Variants in IGSF9 observed in about 807,000 individuals in gnomAD.
IGSF9 encodes the protein immunoglobulin superfamily member 9.
In IGSF9, 87 loss-of-function variants were observed where a neutral mutation model predicts 121.7. That is an observed-to-expected ratio of 0.71 (90% CI 0.60 to 0.85). IGSF9 has a LOEUF of 0.85. Ranked by LOEUF, IGSF9 falls within the 40% of genes least tolerant of loss-of-function variation. The pLI, the probability that IGSF9 is intolerant of heterozygous loss-of-function variation, is 0.00. For missense variants in IGSF9, 1,462 were observed against 1,565.3 expected, an observed-to-expected ratio of 0.93 and a Z score of 1.11; for synonymous variants, 640 against 648.4, an observed-to-expected ratio of 0.99 and a Z score of 0.20.
intron 3 of IGSF9, among the ~76,000 whole-genome samples, chr1:159,939,833 C>T (rs1465493162): frequency 1.3e-5 from 2 of 152,022 alleles, no homozygotes; most frequent in Non-Finnish European, 2.9e-5. Flanking sequence ...TGTTGAAATC[C>T]CCACCCCGGA....
At chr1:159,934,603 G>A in intron 7 of IGSF9, 33 bp from the exon 8 acceptor site, 1 of 1,613,326 alleles carries the variant, frequency 6.2e-7, no homozygotes, top group Non-Finnish European at 8.5e-7. Context: ...AGGGGTCCAG[G>A]CCTTGCCCAG....
intron 3 of IGSF9, among the ~76,000 whole-genome samples, chr1:159,939,313 G>T (rs1004159474): frequency 6.6e-6 from 1 of 151,994 alleles, no homozygotes; most frequent in African/African-American, 2.4e-5. Flanking sequence ...CTGCAGCCTC[G>T]AACTCCTGGC....
In IGSF9 at chr1:159,934,424, C is replaced by T. The variant is rs1488819182; in HGVS notation, c.961+1G>A. 1 of 1,578,892 alleles carries T rather than the reference C, an allele frequency of 6.3e-7. No individual in the cohort carries two copies. Among genetic ancestry groups the T allele is most frequent in the Non-Finnish European group, 8.6e-7 (1 of 1,162,210 alleles). On this transcript the variant is annotated splice_donor_variant, in intron 8 of 20. Transcript: ENST00000368094. LOFTEE classifies it high-confidence loss of function. ...GAGGGAGAAGCTGGGGTCAGGCTTA[C>T]AGAGCACAGTGAGGTAGGCAGAGGC...
intron 6 of IGSF9, among the ~76,000 whole-genome samples, chr1:159,935,340 C>A (rs559092693): frequency 6.6e-6 from 1 of 152,316 alleles, no homozygotes; most frequent in South Asian, 2.1e-4. Flanking sequence ...CTACACTAAG[C>A]TCAAACCCAG....
Position 159,928,300 on chromosome 1 carries a change from T to C in IGSF9, c.3088A>G (p.Ser1030Gly). Residue 1030 changes from serine (S) to glycine (G), a missense_variant, in exon 19 of 21, where the codon AGC (serine) becomes GGC (glycine). By Grantham distance (56) the Ser-to-Gly change is moderately conservative (BLOSUM62 0). This residue lies in a region of IGSF9 where 808 missense variants were observed against 815.2 expected (regional missense o/e 0.99). Coordinates refer to ENST00000368094, the MANE Select transcript of IGSF9 (RefSeq NM_001135050.2). The part of the protein sequence containing the change: ...SLTSQSSGRG[S>G]ASFLRPPSTA... ...GAGGGGGGCCGCAGGAACGAAGCGC[T>C]GCCTCGCCCACTGCTCTGGCTGGTG... 1 of 1,611,904 alleles carries C rather than the reference T, an allele frequency of 6.2e-7. No homozygotes were observed. The highest frequency in any genetic ancestry group is 8.5e-7 in the Non-Finnish European group (1 of 1,179,274).
intron 3 of IGSF9, among the ~76,000 whole-genome samples, chr1:159,938,787 G>A (rs565391270): frequency 6.6e-6 from 1 of 152,328 alleles, no homozygotes; most frequent in Admixed American, 6.5e-5. Context: ...CAAAATTGGG[G>A]TGGGGTGGAG....
chr1:159,928,104 G>A, intron 19 of IGSF9, 54 bp downstream of exon 19: 3 of 1,576,486 alleles, frequency 1.9e-6, no homozygotes. Context: ...AGAGGGGTGA[G>A]AGGTCTGGGG....
Position 159,931,209 on chromosome 1 carries a change from A to C in IGSF9, c.1566T>G (p.Gly522=), listed in dbSNP as rs1557932395. 6.2e-7 allele frequency: 1 copy of C among 1,613,976 alleles called. No homozygotes were observed. The highest frequency in any genetic ancestry group is 8.5e-7 in the Non-Finnish European group (1 of 1,179,984). ...TNVSVVALPK[G]ANVSWEPGFD... ...AGCCAGGCTCCCAGGAGACATTGGC[A>C]CCCTTGGGCAAAGCCACCACGGACA... is the stretch of plus-strand genomic sequence containing the variant. Residue 522 remains glycine, a synonymous_variant, in exon 13 of 21, where the codon GGT becomes GGG. Coordinates refer to ENST00000368094, the MANE Select transcript of IGSF9 (RefSeq NM_001135050.2). The surrounding 1 kb of genome is among the most constrained non-coding windows in gnomAD (Gnocchi z 4.8).
chr1:159,929,654 G>GCGGCGGCGGCGGGCAGCC lies in IGSF9; in HGVS notation c.2292_2309dup (p.Ala765_Arg770dup). ...GGGACTTACCTTGGCGGAGGCGCTTGCGGCGGCGGCGGGCAGCCCTGCGCC... is the reference window on the plus strand; with the variant it reads ...GGGACTTACCTTGGCGGAGGCGCTTGCGGCGGCGGCGGGCAGCCCGGCGGCGGCGGGCAGCCCTGCGCC... On this transcript the variant is annotated inframe_insertion, in exon 17 of 21. Transcript: ENST00000368094. The GCGGCGGCGGCGGGCAGCC allele has an allele frequency of 6.3e-7, 1 of 1,589,904 alleles. No homozygotes were observed. The highest frequency in any genetic ancestry group is 1.1e-5 in the South Asian group (1 of 87,666).
chr1:159,936,506 C>T lies in IGSF9; in HGVS notation c.566G>A (p.Gly189Glu), dbSNP rs1399746892. Residue 189 changes from glycine (G) to glutamate (E), a missense_variant, in exon 6 of 21, where the codon GGG becomes GAG. Physicochemically the swap from Gly to Glu is moderately conservative, Grantham distance 98. Around this residue, in one of 3 missense-constraint regions of IGSF9, gnomAD observed 558 missense variants for 599.4 expected, o/e 0.93. Coordinates refer to ENST00000368094, the MANE Select transcript of IGSF9 (RefSeq NM_001135050.2). The stretch of plus-strand genomic sequence containing the variant: ...CTCTACCCGGCGGATCCGCAGCGTC[C>T]CGTTCTGCACCTAGGGAAGGAGTGG... ...QGQGQVQVQN[G>E]TLRIRRVERG... 6.2e-7 allele frequency: 1 copy of T among 1,613,908 alleles called. No individual in the cohort carries two copies. The highest frequency in any genetic ancestry group is 8.5e-7 in the Non-Finnish European group (1 of 1,179,914).
intron 19 of IGSF9, 45 bp downstream of exon 19, chr1:159,928,113 G>T (rs1302866971): frequency 6.3e-7 from 1 of 1,587,370 alleles, no homozygotes; most frequent in Non-Finnish European, 8.5e-7. Flanking sequence ...AGAGGTCTGG[G>T]GTGGGACTGA....
chr1:159,943,108 C>A lies in IGSF9; in HGVS notation c.102G>T (p.Gly34=), dbSNP rs149337086. 1.0e-3 allele frequency: 1,624 copies of A among 1,601,558 alleles called. 13 individuals carry two copies. The African/African-American group carries it at 0.02, about 20-fold the overall frequency. ...PEVVSVVGRA[G]ESVVLGCDLL... ...GGTCACAGCCCAGCACCACACTCTC[C>A]CCAGCCCGGCCCACCACCGATACCA... is the stretch of plus-strand genomic sequence containing the variant. The change falls in exon 3 of 21, where the codon GGG becomes GGT. Residue 34 remains glycine, a synonymous_variant. Coordinates refer to ENST00000368094, the MANE Select transcript of IGSF9 (RefSeq NM_001135050.2).
At chr1:159,944,137 A>T (rs1349809623) in intron 1 of IGSF9, among the ~76,000 whole-genome samples, 3 of 152,116 alleles carry the variant, frequency 2.0e-5, no homozygotes, top group Non-Finnish European at 4.4e-5. Flanking sequence ...ATATCTGCTC[A>T]GGGGCAGAGA....
rs1490535306 is a variant in IGSF9 at position 159,936,807 on chromosome 1, C to T, written c.502G>A (p.Val168Met). ...TCCTTTCCTCGGAGCTTCCACGTCA[C>T]ATGAGGCAGGGGGCTGCCACGGGCC... ...CVARGSPLPHVTWKLRGKDLG... is the reference protein window; with the variant it reads ...CVARGSPLPHMTWKLRGKDLG... Residue 168 changes from valine (V) to methionine (M), a missense_variant, in exon 5 of 21, where the codon GTG becomes ATG. This residue lies in a region of IGSF9 where 558 missense variants were observed against 599.4 expected (regional missense o/e 0.93). Coordinates refer to ENST00000368094, the MANE Select transcript of IGSF9 (RefSeq NM_001135050.2). The T allele has an allele frequency of 6.2e-7, 1 of 1,614,228 alleles. No individual in the cohort carries two copies. Among genetic ancestry groups the T allele is most frequent in the East Asian group, 2.2e-5 (1 of 44,878 alleles).
rs1295608078 is a variant in IGSF9 at position 159,929,412 on chromosome 1, A to T, written c.2327-19T>A. ...GGTGGATCTGGAAGGGCATGAGAATAGTAGGTGACACAGGCAAAAATCAAG... is the reference window on the plus strand; with the variant it reads ...GGTGGATCTGGAAGGGCATGAGAATTGTAGGTGACACAGGCAAAAATCAAG... On this transcript the variant is annotated intron_variant, in intron 17 of 20. Transcript: ENST00000368094. 1 of 1,613,878 alleles carries T rather than the reference A, an allele frequency of 6.2e-7. No individual in the cohort carries two copies. Among genetic ancestry groups the T allele is most frequent in the Non-Finnish European group, 8.5e-7 (1 of 1,179,798 alleles).
Position 159,932,007 on chromosome 1 carries a change from C to G in IGSF9, c.1246-79G>C. The G allele has an allele frequency of 4.7e-6, 4 of 855,458 alleles. No individual in the cohort carries two copies. The highest frequency in any genetic ancestry group is 7.5e-6 in the Non-Finnish European group (4 of 535,876). 53.0% of individuals were successfully genotyped at this position (855,458 alleles called of 1,614,324 possible). On this transcript the variant is annotated intron_variant, in intron 10 of 20. Transcript: ENST00000368094. This position sits in a 1 kb window ranked among gnomAD's most constrained non-coding sequence, Gnocchi z 4.1. The stretch of plus-strand genomic sequence containing the variant: ...TACTCCCTCTCTCTGTGCTCCCTGT[C>G]ATGCCATGTCTCACCTCACTCTCCC...
rs748659217 is a variant in IGSF9 at position 159,930,282 on chromosome 1, G to A, written c.1971C>T (p.Val657=). 3 of 1,613,848 alleles carry A rather than the reference G, an allele frequency of 1.9e-6. No individual in the cohort carries two copies. Among genetic ancestry groups the A allele is most frequent in the Non-Finnish European group, 2.5e-6 (3 of 1,179,906 alleles). ...CCTGGGAGCCTTGCCGGCCTTCCAAGACGTAGCCATCCAGTCTCTTAGGGA... is the reference window on the plus strand; with the variant it reads ...CCTGGGAGCCTTGCCGGCCTTCCAAAACGTAGCCATCCAGTCTCTTAGGGA... ...ELVPKRLDGY[V]LEGRQGSQGW... Residue 657 remains valine, a synonymous_variant, in exon 15 of 21, where the codon GTC becomes GTT. Coordinates refer to ENST00000368094, the MANE Select transcript of IGSF9 (RefSeq NM_001135050.2).
At chr1:159,930,055 C>T (rs1650933601) in intron 15 of IGSF9, 80 bp from the exon 16 acceptor site, 2 of 1,557,222 alleles carry the variant, frequency 1.3e-6, no homozygotes, top group South Asian at 1.2e-5. Context: ...AGACCGTGCA[C>T]GTGGGACGGA....
intron 4 of IGSF9, among the ~76,000 whole-genome samples, chr1:159,937,236 A>G (rs1651223920): frequency 1.3e-5 from 2 of 152,176 alleles, no homozygotes; most frequent in South Asian, 4.1e-4. Context: ...CAGTGGCATG[A>G]CTCAGCCTCA....
Sources: allele counts gnomAD v4.1 joint callset (sites outside exome capture counted in the v4.1 genomes callset), GRCh38; gene constraint gnomAD v4.1.1; regional missense constraint gnomAD v4.1.1; non-coding constraint Gnocchi (gnomAD v3.1); transcripts MANE v1.5; gene names NCBI Gene and HGNC (gene_info 2026-07-23, HGNC 2026-07-21).